Variants in PODN observed in about 807,000 individuals in gnomAD.
The protein encoded by PODN is podocan proteoglycan.
Under a neutral mutation model 52.7 loss-of-function variants are expected in PODN, and 40 were observed. The observed-to-expected ratio is 0.76, with a 90% CI of 0.59 to 0.99. PODN has a LOEUF of 0.99. PODN is among the 50% of genes least tolerant of loss of function. The pLI is 0.00. For missense variants in PODN, 720 were observed against 815.1 expected, an observed-to-expected ratio of 0.88 and a Z score of 1.42; for synonymous variants, 396 against 377.9, an observed-to-expected ratio of 1.05 and a Z score of -0.56.
rs762409875 is a variant in PODN, at chr1:53,078,415, G to A, written c.905G>A (p.Arg302Gln). ...YLDLSSNNLS[R>Q]VPAGLPRSLV... ...GATCTGTCCAGCAACAACCTGTCTC[G>A]GGTCCCAGCTGGGCTGCCGCGCAGC... is the stretch of plus-strand genomic sequence containing the variant. The change falls in exon 8 of 11, where the codon CGG (arginine) becomes CAG (glutamine). Residue 302 changes from arginine (R) to glutamine (Q), a missense_variant. Physicochemically the swap from Arg to Gln is conservative, Grantham distance 43. Coordinates refer to ENST00000312553, the MANE Select transcript of PODN (RefSeq NM_153703.5). 1.4e-5 allele frequency: 22 copies of A among 1,613,398 alleles called. No individual in the cohort carries two copies. The highest frequency in any genetic ancestry group is 1.0e-4 in the Admixed American group (6 of 60,008).
chr1:53,077,967 A>G (rs1422560380), intron 7 of PODN, among the ~76,000 whole-genome samples, 167 bp downstream of exon 7: 1 of 152,162 alleles, frequency 6.6e-6, no homozygotes, highest in Non-Finnish European at 1.5e-5. Context: ...GTCCCTGGGA[A>G]CAAGGACTAT....
At position 53,071,530 on chromosome 1, in the gene PODN, C is replaced by G. The variant is rs752277022; in HGVS notation, c.313-5C>G. 42 of 1,612,788 alleles carry G rather than the reference C, an allele frequency of 2.6e-5. No individual in the cohort carries two copies. The highest frequency in any genetic ancestry group is 3.5e-5 in the Non-Finnish European group (41 of 1,179,358). On this transcript the variant is annotated splice_region_variant and splice_polypyrimidine_tract_variant and intron_variant, in intron 2 of 10. Coordinates refer to ENST00000312553, the MANE Select transcript of PODN (RefSeq NM_153703.5). ...CTGCTTCCTTGCGGCCCCCTACCCC[C>G]CTAGAACAACCAGCTGGAAAAGATC...
rs775930811 is a variant in PODN, at chr1:53,078,918, G to A, written c.1408G>A (p.Ala470Thr). The change falls in exon 8 of 11, where the codon GCG (alanine) becomes ACG (threonine). Residue 470 changes from alanine (A) to threonine (T), a missense_variant. Coordinates refer to ENST00000312553, the MANE Select transcript of PODN (RefSeq NM_153703.5). The stretch of plus-strand genomic sequence containing the variant: ...TGAGCTGGCTGCCTTGGCACGAGGG[G>A]CGCTGGTGGGCATGGCTCAGCTGCG... ...RNELAALARG[A>T]LVGMAQLREL... 6.3e-7 allele frequency: 1 copy of A among 1,599,970 alleles called. No homozygotes were observed. The highest frequency in any genetic ancestry group is 8.5e-7 in the Non-Finnish European group (1 of 1,173,666).
chr1:53,079,044 G>T lies in PODN; in HGVS notation c.1512+22G>T, dbSNP rs757074546. ...GCAGGTAAGCGGAAGGGAGGGGGCT[G>T]AGCCATGCCCATGGAGGGGGGTACT... On this transcript the variant is annotated intron_variant, in intron 8 of 10. Coordinates refer to ENST00000312553, the MANE Select transcript of PODN (RefSeq NM_153703.5). 2.0e-6 allele frequency: 3 copies of T among 1,498,926 alleles called. No homozygotes were observed. In the South Asian group the frequency reaches 3.9e-5, roughly 20 times the overall value. 92.9% of individuals were successfully genotyped at this position (1,498,926 alleles called of 1,614,324 possible). A position where few individuals can be genotyped will look rare whatever the true frequency, so the allele number is the denominator to read the frequency against.
At chr1:53,077,869 TCCAGC>T in intron 7 of PODN, 69 bp downstream of exon 7, 2 of 1,337,322 alleles carry the variant, frequency 1.5e-6, no homozygotes, top group Non-Finnish European at 2.1e-6. Flanking sequence ...GGGCCAACCA[TCCAGC>T]CCAGCCCAGC....
intron 10 of PODN, among the ~76,000 whole-genome samples, chr1:53,083,067 C>T (rs955241549): frequency 4.6e-5 from 7 of 152,186 alleles, no homozygotes; most frequent in African/African-American, 1.7e-4. Flanking sequence ...CACTGCGGAG[C>T]GCCCACTGGA....
intron 1 of PODN, among the ~76,000 whole-genome samples, chr1:53,069,574 C>A (rs546341670): frequency 1.2e-4 from 18 of 152,368 alleles, no homozygotes; most frequent in Admixed American, 2.0e-4. Flanking sequence ...TAGGGCCAAG[C>A]CTGCTGAATG....
At chr1:53,083,999 C>G (rs34163250) in intron 10 of PODN, among the ~76,000 whole-genome samples, 5 of 151,916 alleles carry the variant, frequency 3.3e-5, no homozygotes, top group Non-Finnish European at 4.4e-5. Flanking sequence ...GGGTGGGTGA[C>G]AGAGGGAGCT....
At chr1:53,066,429 TA>T (rs1199429390) in intron 1 of PODN, among the ~76,000 whole-genome samples, 2 of 152,238 alleles carry the variant, frequency 1.3e-5, no homozygotes, top group African/African-American at 2.4e-5. Context: ...TATCCTACAT[TA>T]TTTTTTTGTA....
In PODN at chr1:53,077,186, C is replaced by T. The variant is rs775353983; in HGVS notation, c.582-4C>T. ...TGGGTGAGGACCTGTGCCTTGACCC[C>T]CAGGTCTGTGTACCTGCACAACAAC... On this transcript the variant is annotated splice_region_variant and splice_polypyrimidine_tract_variant and intron_variant, in intron 5 of 10. Coordinates refer to ENST00000312553, the MANE Select transcript of PODN (RefSeq NM_153703.5). 16 of 1,612,744 alleles carry T rather than the reference C, an allele frequency of 9.9e-6. No homozygotes were observed. The African/African-American group carries it at 1.6e-4, about 16-fold the overall frequency.
At chr1:53,062,513 A>T (rs984265054) in intron 1 of PODN, among the ~76,000 whole-genome samples, 5 of 152,208 alleles carry the variant, frequency 3.3e-5, no homozygotes, top group Non-Finnish European at 7.4e-5. Flanking sequence ...GTCAGGACCC[A>T]GGCAGGGGCC....
intron 3 of PODN, among the ~76,000 whole-genome samples, chr1:53,074,237 C>T (rs1289603384): frequency 6.6e-6 from 1 of 152,230 alleles, no homozygotes; most frequent in African/African-American, 2.4e-5. Flanking sequence ...CATTCCTGGC[C>T]CGGCCCCCCT....
At chr1:53,080,988 C>A in intron 9 of PODN, 112 bp downstream of exon 9, 1 of 1,383,342 alleles carries the variant, frequency 7.2e-7, no homozygotes, top group Admixed American at 2.0e-5. Context: ...TGTGTAACCA[C>A]GGCTCAGATC....
Position 53,070,111 on chromosome 1 carries a change from G to A in PODN, c.256G>A (p.Asp86Asn). ...GGGCGTCGTGGACTGTGGCGGTATT[G>A]ACCTGCGTGAGTTCCCGGGGGACCT... ...QEGVVDCGGI[D>N]LREFPGDLPE... The change falls in exon 2 of 11, where the codon GAC (aspartate) becomes AAC (asparagine). Residue 86 changes from aspartate to asparagine, a missense_variant. Asp to Asn is a conservative substitution (Grantham distance 23). Coordinates refer to ENST00000312553, the MANE Select transcript of PODN (RefSeq NM_153703.5). 1 of 1,612,418 alleles carries A rather than the reference G, an allele frequency of 6.2e-7. No individual in the cohort carries two copies. Among genetic ancestry groups the A allele is most frequent in the Non-Finnish European group, 8.5e-7 (1 of 1,179,978 alleles).
chr1:53,062,984 G>C (rs1643980242), intron 1 of PODN, among the ~76,000 whole-genome samples: 1 of 152,258 alleles, frequency 6.6e-6, no homozygotes, highest in South Asian at 2.1e-4. Flanking sequence ...GACAGCTGGA[G>C]GGAGGAAGGG....
chr1:53,081,638 G>A (rs912752090), intron 9 of PODN, among the ~76,000 whole-genome samples: 1 of 152,208 alleles, frequency 6.6e-6, no homozygotes, highest in Non-Finnish European at 1.5e-5. Context: ...CCTGGCTACC[G>A]CAGCCCAGGA....
At chr1:53,079,197 G>A (rs1236498321) in intron 8 of PODN, among the ~76,000 whole-genome samples, 175 bp downstream of exon 8, 3 of 152,254 alleles carry the variant, frequency 2.0e-5, no homozygotes, top group Admixed American at 6.5e-5. Flanking sequence ...GCTGGCTAAG[G>A]CGAAGCTAGG....
intron 1 of PODN, chr1:53,066,992 CA>C (rs1324579210): frequency 4.3e-6 from 4 of 936,208 alleles, no homozygotes; most frequent in Non-Finnish European, 6.4e-6. Context: ...CCCCGGACTA[CA>C]GTGGGGTCAG....
In PODN at chr1:53,075,101, G is replaced by C. The variant is rs116750639; in HGVS notation, c.471+431G>C. 4.3e-3 allele frequency among the ~76,000 whole-genome samples: 656 copies of C among 152,308 alleles called. 5 individuals are homozygous for C. The highest frequency in any genetic ancestry group is 0.015 in the African/African-American group (628 of 41,558). ...AATATTTGGTGTGCTCCAGAGCTCT[G>C]TCCCAGCCCCTTCTCTCTCTGAACT... On this transcript the variant is annotated intron_variant, in intron 4 of 10. Transcript: ENST00000312553.
Sources: gnomAD v4.1 joint callset for allele counts (sites outside exome capture counted in the v4.1 genomes callset) on GRCh38, gnomAD v4.1.1 for gene constraint, MANE v1.5 for transcripts, NCBI Gene and HGNC (gene_info 2026-07-23, HGNC 2026-07-21) for gene names.